LIN28B: variants seen among roughly 807,000 people sequenced by gnomAD.
LIN28B encodes lin-28 RNA binding posttranscriptional regulator B.
LIN28B carries 5 observed loss-of-function variants against 21.9 expected under a neutral mutation model. The observed-to-expected ratio is 0.23, with a 90% confidence interval of 0.12 to 0.48. The LOEUF (loss-of-function observed/expected upper bound fraction) is 0.48, where lower values mean the gene tolerates loss of function less well. Ranked by LOEUF, LIN28B falls within the 20% of genes least tolerant of loss-of-function variation. LIN28B has a pLI of 0.98. For missense variants in LIN28B, 245 were observed against 310.5 expected, an observed-to-expected ratio of 0.79 and a Z score of 1.58; for synonymous variants, 109 against 111.3, an observed-to-expected ratio of 0.98 and a Z score of 0.13.
At chr6:105,070,924 T>C (rs1202071199) in intron 3 of LIN28B, among the ~76,000 whole-genome samples, 1 of 152,192 alleles carries the variant, frequency 6.6e-6, no homozygotes, top group Non-Finnish European at 1.5e-5. Flanking sequence ...TCACCCAGGC[T>C]GGAATGCAGT....
intron 3 of LIN28B, among the ~76,000 whole-genome samples, chr6:105,048,666 G>C (rs917277049): frequency 6.6e-6 from 1 of 151,990 alleles, no homozygotes. Context: ...TTGGTTGGTG[G>C]GCTATTAATT....
chr6:105,077,770 C>T (rs1394921773), intron 3 of LIN28B, among the ~76,000 whole-genome samples: 3 of 152,272 alleles, frequency 2.0e-5, no homozygotes, highest in East Asian at 1.9e-4. Flanking sequence ...CTCTATTGCT[C>T]TAAAATTACT....
intron 2 of LIN28B, among the ~76,000 whole-genome samples, chr6:104,964,496 T>G (rs1432299173): frequency 2.0e-5 from 3 of 152,218 alleles, no homozygotes. Flanking sequence ...CTTTATACTT[T>G]GAGCTATTTC....
intron 2 of LIN28B, among the ~76,000 whole-genome samples, chr6:105,022,611 C>G (rs1771162501): frequency 6.6e-6 from 1 of 151,966 alleles, no homozygotes; most frequent in South Asian, 2.1e-4. Context: ...CTTACTGACT[C>G]AGAGTCAAAC....
intron 2 of LIN28B, among the ~76,000 whole-genome samples, chr6:104,987,645 A>T (rs1359407959): frequency 1.3e-5 from 2 of 152,126 alleles, no homozygotes; most frequent in East Asian, 1.9e-4. Context: ...ATTATTATAA[A>T]TACTTTACCT....
chr6:104,986,532 C>CAAA (rs71003463), intron 2 of LIN28B, among the ~76,000 whole-genome samples: 3 of 139,874 alleles, frequency 2.1e-5, no homozygotes, highest in Non-Finnish European at 3.1e-5. Context: ...TCATTTCTAC[C>CAAA]AAAAAAAAAA....
intron 3 of LIN28B, among the ~76,000 whole-genome samples, chr6:105,062,044 C>T (rs1366532528): frequency 6.6e-6 from 1 of 152,088 alleles, no homozygotes; most frequent in African/African-American, 2.4e-5. Context: ...ATTTGCCTGG[C>T]ATATTTTCTT....
intron 2 of LIN28B, among the ~76,000 whole-genome samples, chr6:104,996,521 A>T (rs1770608606): frequency 6.6e-6 from 1 of 152,170 alleles, no homozygotes; most frequent in African/African-American, 2.4e-5. Context: ...TGAAGAGAAG[A>T]ATTTAGCAAA....
intron 2 of LIN28B, among the ~76,000 whole-genome samples, chr6:104,970,763 A>C (rs1187322808): frequency 6.6e-6 from 1 of 152,152 alleles, no homozygotes; most frequent in East Asian, 1.9e-4. Context: ...TAAAAGAAAG[A>C]AATACGTTAT....
At chr6:105,000,018 G>C (rs1185072912) in intron 2 of LIN28B, among the ~76,000 whole-genome samples, 1 of 152,046 alleles carries the variant, frequency 6.6e-6, no homozygotes, top group African/African-American at 2.4e-5. Context: ...GGACCACCAG[G>C]GAAGGGGAAA....
intron 3 of LIN28B, among the ~76,000 whole-genome samples, chr6:105,035,628 G>A (rs1159153618): frequency 1.3e-5 from 2 of 152,142 alleles, no homozygotes; most frequent in African/African-American, 4.8e-5. Flanking sequence ...TAATTTTATT[G>A]TGTTTGTTGG....
chr6:104,960,609 G>C (rs1345733674), intron 2 of LIN28B, among the ~76,000 whole-genome samples: 1 of 151,652 alleles, frequency 6.6e-6, no homozygotes, highest in African/African-American at 2.4e-5. Context: ...TGTGTCACTG[G>C]ATTTTTTTTT....
chr6:105,037,737 C>T (rs1384320549), intron 3 of LIN28B, among the ~76,000 whole-genome samples: 2 of 151,970 alleles, frequency 1.3e-5, no homozygotes, highest in Non-Finnish European at 2.9e-5. Context: ...TCTCAAACTC[C>T]TGACCTCAAG....
At chr6:105,060,020 C>T (rs1453373679) in intron 3 of LIN28B, among the ~76,000 whole-genome samples, 1 of 151,924 alleles carries the variant, frequency 6.6e-6, no homozygotes, top group African/African-American at 2.4e-5. Context: ...TCTCCTGCCT[C>T]AGCCTCCCGA....
At chr6:105,066,622 T>G (rs1224404669) in intron 3 of LIN28B, among the ~76,000 whole-genome samples, 1 of 152,220 alleles carries the variant, frequency 6.6e-6, no homozygotes, top group Non-Finnish European at 1.5e-5. Context: ...GTCACTATTT[T>G]ATAGTCCTTA....
chr6:105,043,597 T>C (rs1215348821), intron 3 of LIN28B, among the ~76,000 whole-genome samples: 2 of 151,324 alleles, frequency 1.3e-5, no homozygotes, highest in Non-Finnish European at 2.9e-5. Flanking sequence ...GGTTTTTTTT[T>C]TTTTAGAGAC....
chr6:104,973,825 A>T (rs182384092), intron 2 of LIN28B, among the ~76,000 whole-genome samples: 1 of 152,332 alleles, frequency 6.6e-6, no homozygotes. Flanking sequence ...GTCTTTACTT[A>T]GGTTTGGTTA....
intron 3 of LIN28B, among the ~76,000 whole-genome samples, chr6:105,030,069 TTAATATC>T (rs1562098945): frequency 6.6e-6 from 1 of 152,198 alleles, no homozygotes; most frequent in Non-Finnish European, 1.5e-5. Flanking sequence ...TTTGACACAC[TTAATATC>T]TAATAATTTC....
At chr6:104,941,852 A>C (rs995961787) in intron 2 of LIN28B, among the ~76,000 whole-genome samples, 3 of 152,200 alleles carry the variant, frequency 2.0e-5, no homozygotes, top group African/African-American at 7.2e-5. Flanking sequence ...TACTCCAAAA[A>C]CTTTTTTTAA....
Sources: gnomAD v4.1 joint callset for allele counts (sites outside exome capture counted in the v4.1 genomes callset) on GRCh38, gnomAD v4.1.1 for gene constraint, MANE v1.5 for transcripts, NCBI Gene and HGNC (gene_info 2026-07-23, HGNC 2026-07-21) for gene names.